Variants in CACNA1B observed in about 807,000 individuals in gnomAD.
CACNA1B encodes calcium voltage-gated channel subunit alpha1 B.
CACNA1B carries 70 observed loss-of-function variants against 247.2 expected under a neutral mutation model. The ratio of observed to expected loss-of-function variants is 0.28; its 90% confidence interval spans 0.23 to 0.35. CACNA1B has a LOEUF of 0.35. Ranked by LOEUF, CACNA1B falls within the 10% of genes least tolerant of loss-of-function variation. The pLI is 1.00. For missense variants in CACNA1B, 2,367 were observed against 3,197.4 expected (o/e 0.74, Z 6.26); for synonymous variants, 1,231 against 1,294.4 (o/e 0.95, Z 1.05).
At chr9:138,116,028 A>T (rs932329132) in intron 42 of CACNA1B, among the ~76,000 whole-genome samples, 1 of 152,194 alleles carries the variant, frequency 6.6e-6, no homozygotes, top group Non-Finnish European at 1.5e-5. Flanking sequence ...CAGGTGCTTC[A>T]TCGAACCCGC....
intron 39 of CACNA1B, among the ~76,000 whole-genome samples, chr9:138,111,442 C>A (rs1356119476): frequency 6.6e-6 from 1 of 152,160 alleles, no homozygotes; most frequent in Non-Finnish European, 1.5e-5. Flanking sequence ...CATTCTGGAG[C>A]AAAACTATAG....
At position 137,914,680 on chromosome 9, in the gene CACNA1B, A is replaced by G. The variant is rs769630341; in HGVS notation, c.649A>G (p.Met217Val). The G allele has an allele frequency of 1.9e-6, 3 of 1,613,912 alleles. No individual in the cohort carries two copies. The highest frequency in any genetic ancestry group is 8.5e-7 in the Non-Finnish European group (1 of 1,179,848). ...PSLQVVLKSIMKAMVPLLQIG... is the reference protein window; with the variant it reads ...PSLQVVLKSIVKAMVPLLQIG... ...TTTGCAGGTGGTGCTCAAGTCCATC[A>G]TGAAGGCCATGGTTCCACTCCTGCA... The change falls in exon 5 of 47, where the codon ATG (methionine) becomes GTG (valine). Residue 217 changes from methionine (M) to valine (V), a missense_variant. By Grantham distance (21) the Met-to-Val change is conservative (BLOSUM62 1). This residue lies in a region of CACNA1B where 130 missense variants were observed against 338.7 expected (regional missense o/e 0.38). Coordinates refer to ENST00000371372, the MANE Select transcript of CACNA1B (RefSeq NM_000718.4). This position sits in a 1 kb window ranked among gnomAD's most constrained non-coding sequence, Gnocchi z 4.3.
intron 17 of CACNA1B, 39 bp from the exon 18 acceptor site, chr9:138,013,090 A>T: frequency 4.0e-6 from 6 of 1,482,946 alleles, no homozygotes; most frequent in Non-Finnish European, 5.6e-6. Context: ...TGGCTATAAC[A>T]CTGTGAGGGG....
At chr9:138,118,484 G>A (rs1179998711) in intron 43 of CACNA1B, among the ~76,000 whole-genome samples, 168 bp from the exon 44 acceptor site, 1 of 150,088 alleles carries the variant, frequency 6.7e-6, no homozygotes, top group Non-Finnish European at 1.5e-5. Flanking sequence ...AACAGGGATG[G>A]GGGGTGTGTG....
intron 25 of CACNA1B, among the ~76,000 whole-genome samples, chr9:138,053,086 G>T (rs550828680): frequency 1.3e-5 from 2 of 152,238 alleles, no homozygotes; most frequent in Non-Finnish European, 2.9e-5. Context: ...CAGAGCACAC[G>T]TGTTCCTGTC....
intron 6 of CACNA1B, among the ~76,000 whole-genome samples, chr9:137,941,953 GCAA>G (rs979386572): frequency 9.2e-5 from 14 of 152,100 alleles, no homozygotes; most frequent in African/African-American, 2.9e-4. Context: ...AAAAGAAAAT[GCAA>G]CAACAACAAA....
chr9:138,044,248 C>T (rs1959166928), intron 21 of CACNA1B, among the ~76,000 whole-genome samples: 1 of 152,238 alleles, frequency 6.6e-6, no homozygotes, highest in African/African-American at 2.4e-5. Flanking sequence ...GTGTTGCCTG[C>T]GTGTGTGCAC....
intron 39 of CACNA1B, among the ~76,000 whole-genome samples, chr9:138,108,047 G>C (rs1369256645): frequency 7.1e-6 from 1 of 141,204 alleles, no homozygotes; most frequent in Non-Finnish European, 1.6e-5. Context: ...AAAAAAAAGA[G>C]ATAACCAGGC....
Position 138,044,050 on chromosome 9 carries a change from C to T in CACNA1B, c.3413+150C>T, listed in dbSNP as rs577879165. The T allele has an allele frequency of 1.5e-3, 1,626 of 1,080,516 alleles. 5 individuals carry two copies. The highest frequency in any genetic ancestry group is 1.9e-3 in the Non-Finnish European group (1,447 of 745,348). 66.9% of individuals were successfully genotyped at this position (1,080,516 alleles called of 1,614,324 possible). A position where few individuals can be genotyped will look rare whatever the true frequency, so the allele number is the denominator to read the frequency against. On this transcript the variant is annotated intron_variant, in intron 21 of 46. Coordinates refer to ENST00000371372, the MANE Select transcript of CACNA1B (RefSeq NM_000718.4). The stretch of plus-strand genomic sequence containing the variant: ...ATGGCAGACCCCAGAGGCACGTGCC[C>T]GTGTGACCTCATTCTGCAGAAGAGG...
intron 36 of CACNA1B, among the ~76,000 whole-genome samples, chr9:138,094,600 T>G (rs865781351): frequency 1.5e-4 from 23 of 152,178 alleles, no homozygotes; most frequent in Admixed American, 1.3e-4. Flanking sequence ...TGCAGACTTA[T>G]ATCCCTTATG....
At position 137,986,557 on chromosome 9, in the gene CACNA1B, G is replaced by T. The variant is rs768594233; in HGVS notation, c.1901+13G>T. Reference sequence around the variant, plus strand: ...TGTTTGGGGGACAGTAAGTGGGCCCGGGAGGGAGAGCTCAAGGCTGGGGGC... The same window carrying T: ...TGTTTGGGGGACAGTAAGTGGGCCCTGGAGGGAGAGCTCAAGGCTGGGGGC... On this transcript the variant is annotated intron_variant, in intron 14 of 46. Coordinates refer to ENST00000371372, the MANE Select transcript of CACNA1B (RefSeq NM_000718.4). This position sits in a 1 kb window ranked among gnomAD's most constrained non-coding sequence, Gnocchi z 6.0. The T allele has an allele frequency of 1.2e-6, 2 of 1,613,420 alleles. No individual in the cohort carries two copies. The highest frequency in any genetic ancestry group is 1.7e-5 in the Admixed American group (1 of 59,960).
At chr9:137,927,049 T>C (rs1957559197) in intron 6 of CACNA1B, among the ~76,000 whole-genome samples, 1 of 152,196 alleles carries the variant, frequency 6.6e-6, no homozygotes, top group South Asian at 2.1e-4. Flanking sequence ...CAGTCTAGTT[T>C]GTCTGTTTTT....
chr9:137,888,991 CCCGCAAGGCGA>C lies in CACNA1B; in HGVS notation c.530+6111_530+6121del. ...GGTGACAGCCCAGAGACGCTGCCTT[CCCGCAAGGCGA>C]CCTGACGCTGTGTCTGAACACAGGT... is the stretch of plus-strand genomic sequence containing the variant. On this transcript the variant is annotated intron_variant, in intron 3 of 46. Coordinates refer to ENST00000371372, the MANE Select transcript of CACNA1B (RefSeq NM_000718.4). This position sits in a 1 kb window ranked among gnomAD's most constrained non-coding sequence, Gnocchi z 4.7. 1.3e-5 allele frequency among the ~76,000 whole-genome samples: 2 copies of C among 149,774 alleles called. No homozygotes were observed. The highest frequency in any genetic ancestry group is 4.9e-5 in the African/African-American group (2 of 41,218).
chr9:137,995,690 T>C (rs1021875263), intron 15 of CACNA1B, among the ~76,000 whole-genome samples: 4 of 152,178 alleles, frequency 2.6e-5, no homozygotes, highest in African/African-American at 4.8e-5. Flanking sequence ...TGAGACTTAA[T>C]TAAACTACAA....
intron 38 of CACNA1B, among the ~76,000 whole-genome samples, chr9:138,104,086 A>G (rs1432733026): frequency 2.0e-5 from 3 of 152,232 alleles, no homozygotes; most frequent in African/African-American, 7.2e-5. Context: ...GGCTGACTCC[A>G]AGGTTCTGGG....
chr9:137,980,778 A>G (rs1444255144), intron 12 of CACNA1B, among the ~76,000 whole-genome samples: 1 of 152,176 alleles, frequency 6.6e-6, no homozygotes, highest in Non-Finnish European at 1.5e-5. Flanking sequence ...TTGTTTCTGC[A>G]TTAATTCACT....
chr9:137,949,048 G>GC (rs1957835337), intron 6 of CACNA1B, among the ~76,000 whole-genome samples: 1 of 131,350 alleles, frequency 7.6e-6, no homozygotes, highest in East Asian at 2.3e-4. Context: ...TGGTGTGTGT[G>GC]TGGGTGTGAA....
In CACNA1B at chr9:137,952,652, G is replaced by A. The variant is rs1957891687; in HGVS notation, c.1070+275G>A. On this transcript the variant is annotated intron_variant, in intron 7 of 46. Coordinates refer to ENST00000371372, the MANE Select transcript of CACNA1B (RefSeq NM_000718.4). The surrounding 1 kb of genome is among the most constrained non-coding windows in gnomAD (Gnocchi z 4.8). ...CTGCCACTACTCATCTGGGTAGACA[G>A]GAGGTGTGGTCTGTAATGGGAGGTT... Among the ~76,000 whole-genome samples, 1 of 125,068 alleles carries A rather than the reference G, an allele frequency of 8.0e-6. No homozygotes were observed. Among genetic ancestry groups the A allele is most frequent in the Non-Finnish European group, 1.6e-5 (1 of 62,380 alleles). 82.0% of individuals were successfully genotyped at this position (125,068 alleles called of 152,430 possible). A position where few individuals can be genotyped will look rare whatever the true frequency, so the allele number is the denominator to read the frequency against.
At chr9:137,940,100 A>G (rs185202297) in intron 6 of CACNA1B, among the ~76,000 whole-genome samples, 3 of 152,260 alleles carry the variant, frequency 2.0e-5, no homozygotes, top group South Asian at 2.1e-4. Context: ...AAACTTAAAC[A>G]AAAAAACACA....
Sources: allele counts gnomAD v4.1 joint callset (sites outside exome capture counted in the v4.1 genomes callset), GRCh38; gene constraint gnomAD v4.1.1; regional missense constraint gnomAD v4.1.1; non-coding constraint Gnocchi (gnomAD v3.1); transcripts MANE v1.5; gene names NCBI Gene and HGNC (gene_info 2026-07-23, HGNC 2026-07-21).